SEMA5A: variants seen among roughly 807,000 people sequenced by gnomAD.
SEMA5A encodes the protein semaphorin-5A.
A neutral mutation model predicts 135.5 loss-of-function variants in SEMA5A; 55 were observed. The ratio of observed to expected loss-of-function variants is 0.41; its 90% CI spans 0.33 to 0.51. SEMA5A has a LOEUF of 0.51. Among genes scored for constraint, SEMA5A ranks in the 20% least tolerant of loss-of-function variants. SEMA5A has a pLI of 0.37. For missense variants in SEMA5A, 1,290 were observed against 1,419.9 expected (o/e 0.91, Z 1.47); for synonymous variants, 580 against 546.5 (o/e 1.06, Z -0.85).
chr5:9,348,461 G>A (rs1753973326), intron 3 of SEMA5A, among the ~76,000 whole-genome samples: 1 of 152,046 alleles, frequency 6.6e-6, no homozygotes, highest in South Asian at 2.1e-4. Context: ...TATGAAGTTG[G>A]TGCCCAGCCT....
chr5:9,507,176 G>A (rs1264451367), intron 1 of SEMA5A, among the ~76,000 whole-genome samples: 2 of 152,144 alleles, frequency 1.3e-5, no homozygotes, highest in South Asian at 2.1e-4. Flanking sequence ...CACCTGAGTC[G>A]ACATGGAAGG....
intron 4 of SEMA5A, among the ~76,000 whole-genome samples, chr5:9,324,448 A>T (rs2150684745): frequency 6.6e-6 from 1 of 152,332 alleles, no homozygotes; most frequent in Non-Finnish European, 1.5e-5. Flanking sequence ...TAAGAATCTG[A>T]TAAAACACAG....
intron 11 of SEMA5A, among the ~76,000 whole-genome samples, chr5:9,183,288 G>A (rs1744624707): frequency 6.6e-6 from 1 of 152,158 alleles, no homozygotes; most frequent in South Asian, 2.1e-4. Flanking sequence ...AAAATGGAAG[G>A]GGAATTCACC....
At chr5:9,437,735 C>T (rs1013407865) in intron 2 of SEMA5A, 21 bp downstream of exon 2, 1 of 152,236 alleles carries the variant, frequency 6.6e-6, no homozygotes, top group African/African-American at 2.4e-5. Context: ...TCTTCACTTC[C>T]CATTTAGATG....
At position 9,366,704 on chromosome 5, in the gene SEMA5A, T is replaced by C. The variant is rs117290885; in HGVS notation, c.124+13119A>G. Among the ~76,000 whole-genome samples the C allele has an allele frequency of 5.3e-3, 806 of 152,312 alleles. 19 individuals carry two copies. The highest frequency in any genetic ancestry group is 0.039 in the Admixed American group (591 of 15,292). ...CTCCCAGCCACAATAAAGAATTCTATTGTGTTGTTGTTTGAGGATGAAGAA... is the reference window on the plus strand; with the variant it reads ...CTCCCAGCCACAATAAAGAATTCTACTGTGTTGTTGTTTGAGGATGAAGAA... On this transcript the variant is annotated intron_variant, in intron 3 of 22. Coordinates refer to ENST00000382496, the MANE Select transcript of SEMA5A (RefSeq NM_003966.3).
chr5:9,221,492 CG>C (rs1746979196), intron 8 of SEMA5A, among the ~76,000 whole-genome samples: 7 of 150,048 alleles, frequency 4.7e-5, no homozygotes, highest in Non-Finnish European at 6.0e-5. Flanking sequence ...TTAGTAGAGA[CG>C]GGGTTTCACA....
At chr5:9,345,284 T>C (rs574307264) in intron 3 of SEMA5A, among the ~76,000 whole-genome samples, 1 of 152,276 alleles carries the variant, frequency 6.6e-6, no homozygotes, top group South Asian at 2.1e-4. Flanking sequence ...ATATTATCCT[T>C]CAACAATCTA....
chr5:9,373,089 G>C (rs1483132153), intron 3 of SEMA5A, among the ~76,000 whole-genome samples: 1 of 152,168 alleles, frequency 6.6e-6, no homozygotes. Context: ...CTTAGACTAG[G>C]AGAGGGGCTG....
chr5:9,038,440 T>C lies in SEMA5A; in HGVS notation c.*4457A>G, dbSNP rs4610427. On this transcript the variant is annotated 3_prime_UTR_variant, in exon 23 of 23. Coordinates refer to ENST00000382496, the MANE Select transcript of SEMA5A (RefSeq NM_003966.3). ...GAAAACCCCATTGAAGTGTAAAGGA[T>C]ACCCGGACCCTAAAGAAAGCTGATG... 6.6e-6 allele frequency: 1 copy of C among 152,156 alleles called. No individual in the cohort carries two copies. The highest frequency in any genetic ancestry group is 2.4e-5 in the African/African-American group (1 of 41,436). 9.4% of individuals were successfully genotyped at this position (152,156 alleles called of 1,614,324 possible). A position where few individuals can be genotyped will look rare whatever the true frequency, so the allele number is the denominator to read the frequency against.
chr5:9,542,660 T>A (rs62342599), intron 1 of SEMA5A, among the ~76,000 whole-genome samples: 9,234 of 152,288 alleles, frequency 0.061, 394 homozygotes, highest in Middle Eastern at 0.13. Flanking sequence ...GAAACATTTT[T>A]AAATACAAAA....
At chr5:9,197,658 C>T (rs1745468956) in intron 9 of SEMA5A, among the ~76,000 whole-genome samples, 1 of 151,918 alleles carries the variant, frequency 6.6e-6, no homozygotes, top group Admixed American at 6.6e-5. Context: ...TGGCGTCTCT[C>T]ATCAGCCTCA....
At chr5:9,120,277 G>A (rs533422603) in intron 14 of SEMA5A, among the ~76,000 whole-genome samples, 29 of 151,934 alleles carry the variant, frequency 1.9e-4, no homozygotes, top group South Asian at 1.2e-3. Flanking sequence ...TTTTTACTTC[G>A]TGTATTTCCT....
At chr5:9,202,285 A>C in intron 8 of SEMA5A, 45 bp from the exon 9 acceptor site, 3 of 1,590,478 alleles carry the variant, frequency 1.9e-6, no homozygotes, top group East Asian at 4.5e-5. Flanking sequence ...CATTCATGTC[A>C]TTCCCTTTTG....
intron 1 of SEMA5A, among the ~76,000 whole-genome samples, chr5:9,523,913 A>G (rs888020665): frequency 1.4e-5 from 2 of 146,726 alleles, no homozygotes; most frequent in African/African-American, 5.1e-5. Context: ...TCACTATGTT[A>G]TAGAGCTTTT....
At chr5:9,197,142 G>T in intron 10 of SEMA5A, 26 bp downstream of exon 10, 1 of 1,613,848 alleles carries the variant, frequency 6.2e-7, no homozygotes, top group Non-Finnish European at 8.5e-7. Context: ...GATGCCAACA[G>T]TGCCCCTTTG....
chr5:9,305,728 T>TATATATATGTATATATATATATA lies in SEMA5A; in HGVS notation c.270+12643_270+12644insTATATATATATATACATATATAT, dbSNP rs1287444762. Among the ~76,000 whole-genome samples, 207 of 95,010 alleles carry TATATATATGTATATATATATATA rather than the reference T, an allele frequency of 2.2e-3. 2 individuals carry two copies. Among genetic ancestry groups the TATATATATGTATATATATATATA allele is most frequent in the African/African-American group, 7.9e-3 (200 of 25,332 alleles). 62.3% of individuals were successfully genotyped at this position (95,010 alleles called of 152,430 possible). A position where few individuals can be genotyped will look rare whatever the true frequency, so the allele number is the denominator to read the frequency against. ...TGTGCGTATATATATATATATATATTTACACGCACACACACACACACACAC... is the reference window on the plus strand; with the variant it reads ...TGTGCGTATATATATATATATATATTATATATATGTATATATATATATATACACGCACACACACACACACACAC... On this transcript the variant is annotated intron_variant, in intron 5 of 22. Coordinates refer to ENST00000382496, the MANE Select transcript of SEMA5A (RefSeq NM_003966.3).
At chr5:9,491,279 G>C (rs1005118934) in intron 1 of SEMA5A, among the ~76,000 whole-genome samples, 1 of 152,044 alleles carries the variant, frequency 6.6e-6, no homozygotes, top group Non-Finnish European at 1.5e-5. Context: ...GGGGATTTTC[G>C]GGGCACGAGA....
chr5:9,224,659 T>G lies in SEMA5A; in HGVS notation c.646+15A>C, dbSNP rs773446663. ...GACAAATGAGGTGAGAAAGAGGGAG[T>G]GACGGAAGGCTTACCATTGAGCCAT... On this transcript the variant is annotated intron_variant, in intron 8 of 22. Coordinates refer to ENST00000382496, the MANE Select transcript of SEMA5A (RefSeq NM_003966.3). The G allele has an allele frequency of 5.6e-6, 9 of 1,611,490 alleles. No individual in the cohort carries two copies. The highest frequency in any genetic ancestry group is 6.8e-6 in the Non-Finnish European group (8 of 1,177,956).
chr5:9,355,486 C>A (rs1754400618), intron 3 of SEMA5A, among the ~76,000 whole-genome samples: 1 of 152,088 alleles, frequency 6.6e-6, no homozygotes, highest in African/African-American at 2.4e-5. Flanking sequence ...GAGGATAACA[C>A]CCGAGATTTT....
Sources: allele counts gnomAD v4.1 joint callset (sites outside exome capture counted in the v4.1 genomes callset), GRCh38; gene constraint gnomAD v4.1.1; transcripts MANE v1.5; gene names NCBI Gene and HGNC (gene_info 2026-07-23, HGNC 2026-07-21).